Variants in TMEM132D observed in about 807,000 individuals in gnomAD.
TMEM132D encodes the protein mature OL transmembrane protein.
A neutral mutation model predicts 62.3 loss-of-function variants in TMEM132D; 21 were observed. The observed-to-expected ratio is 0.34, with a 90% CI of 0.24 to 0.49. The LOEUF (loss-of-function observed/expected upper bound fraction) is 0.49, where lower values mean the gene tolerates loss of function less well. Ranked by LOEUF, TMEM132D falls within the 20% of genes least tolerant of loss-of-function variation. The pLI, the probability that TMEM132D is intolerant of heterozygous loss-of-function variation, is 0.99. For synonymous variants in TMEM132D, 621 were observed against 575.6 expected (o/e 1.08, Z -1.13); for missense variants, 1,346 against 1,402.8 (o/e 0.96, Z 0.65).
At chr12:129,324,050 T>A (rs1318774400) in intron 4 of TMEM132D, among the ~76,000 whole-genome samples, 1 of 152,196 alleles carries the variant, frequency 6.6e-6, no homozygotes, top group Non-Finnish European at 1.5e-5. Context: ...AAACTTCATG[T>A]GTTTCCCAGC....
At chr12:129,323,108 G>A (rs767148238) in intron 4 of TMEM132D, among the ~76,000 whole-genome samples, 1 of 152,174 alleles carries the variant, frequency 6.6e-6, no homozygotes, top group South Asian at 2.1e-4. Flanking sequence ...ACTTTGAACT[G>A]TAACTACCAT....
At chr12:129,617,997 A>T (rs7302295) in intron 2 of TMEM132D, among the ~76,000 whole-genome samples, 15,651 of 152,206 alleles carry the variant, frequency 0.1, 919 homozygotes, top group Middle Eastern at 0.16. Flanking sequence ...CGACATCGGC[A>T]CTTCACTTGC....
intron 4 of TMEM132D, among the ~76,000 whole-genome samples, chr12:129,223,652 G>A (rs762871471): frequency 1.1e-4 from 16 of 152,108 alleles, no homozygotes; most frequent in Non-Finnish European, 1.9e-4. Context: ...GATAACCCCC[G>A]CCTCCCGCTT....
intron 2 of TMEM132D, among the ~76,000 whole-genome samples, chr12:129,617,102 T>C (rs1878940233): frequency 6.6e-6 from 1 of 152,226 alleles, no homozygotes. Flanking sequence ...AAGCAATTTT[T>C]ATTTTGTCCT....
chr12:129,116,359 G>T (rs1339394576), intron 5 of TMEM132D, among the ~76,000 whole-genome samples: 2 of 152,128 alleles, frequency 1.3e-5, no homozygotes, highest in Non-Finnish European at 2.9e-5. Context: ...AGAGAGAAAG[G>T]CACATTAACA....
At position 129,481,936 on chromosome 12, in the gene TMEM132D, C is replaced by T. The variant is rs547743218; in HGVS notation, c.1115+49123G>A. On this transcript the variant is annotated intron_variant, in intron 3 of 8. Transcript: ENST00000422113. ...GCTTGGCCGTGAGGCCTGCGTTGGC[C>T]GCTGGAAGTTTAGCAAGCGGGAAGA... 3.9e-5 allele frequency among the ~76,000 whole-genome samples: 6 copies of T among 152,304 alleles called. No individual in the cohort carries two copies. In the East Asian group the frequency reaches 1.2e-3, roughly 29 times the overall value.
chr12:129,258,306 GATA>G (rs1050190478), intron 4 of TMEM132D, among the ~76,000 whole-genome samples: 12 of 152,028 alleles, frequency 7.9e-5, no homozygotes, highest in Admixed American at 2.6e-4. Context: ...TGCTAGCAAA[GATA>G]ATTATTATTA....
At chr12:129,458,142 G>A (rs770039359) in intron 3 of TMEM132D, among the ~76,000 whole-genome samples, 16 of 152,120 alleles carry the variant, frequency 1.1e-4, no homozygotes, top group Non-Finnish European at 2.2e-4. Context: ...CCCCTCTTGG[G>A]TCTTACATGG....
intron 1 of TMEM132D, among the ~76,000 whole-genome samples, chr12:129,737,860 C>A (rs887585745): frequency 1.3e-5 from 2 of 152,224 alleles, no homozygotes; most frequent in Admixed American, 6.5e-5. Flanking sequence ...GATCTGATTT[C>A]TTGGGTGAAA....
intron 3 of TMEM132D, among the ~76,000 whole-genome samples, chr12:129,496,910 G>A (rs1311126339): frequency 6.6e-6 from 1 of 152,200 alleles, no homozygotes; most frequent in Non-Finnish European, 1.5e-5. Context: ...CCAATGGGTA[G>A]GCTTGGGCCT....
rs574558483 is a variant in TMEM132D, at chr12:129,127,731, C to G, written c.1444-43029G>C. Among the ~76,000 whole-genome samples, 42 of 152,134 alleles carry G rather than the reference C, an allele frequency of 2.8e-4. 1 individual carries two copies. The South Asian group carries it at 8.8e-3, about 32-fold the overall frequency. On this transcript the variant is annotated intron_variant, in intron 5 of 8. Coordinates refer to ENST00000422113, the MANE Select transcript of TMEM132D (RefSeq NM_133448.3). ...CGAGTATTTGCCTAGATTGCAGCAC[C>G]TAAGTTTCCAAATGTGAGATGCCTG...
At chr12:129,740,871 T>C (rs1433412009) in intron 1 of TMEM132D, among the ~76,000 whole-genome samples, 1 of 152,238 alleles carries the variant, frequency 6.6e-6, no homozygotes, top group African/African-American at 2.4e-5. Context: ...TTCCGGCCAC[T>C]TTCTGTTATC....
At chr12:129,413,562 A>G (rs759705953) in intron 3 of TMEM132D, among the ~76,000 whole-genome samples, 2 of 152,192 alleles carry the variant, frequency 1.3e-5, no homozygotes, top group Non-Finnish European at 2.9e-5. Context: ...TTCTCACCCT[A>G]GAGAAATATA....
intron 2 of TMEM132D, among the ~76,000 whole-genome samples, chr12:129,591,105 G>A (rs888192482): frequency 1.3e-5 from 2 of 152,180 alleles, no homozygotes; most frequent in Non-Finnish European, 2.9e-5. Flanking sequence ...CCCAAGGCAT[G>A]AAAGAAAGAG....
At chr12:129,727,721 A>C (rs1462993246) in intron 1 of TMEM132D, among the ~76,000 whole-genome samples, 1 of 152,174 alleles carries the variant, frequency 6.6e-6, no homozygotes, top group African/African-American at 2.4e-5. Context: ...GGTGATTTAC[A>C]GTCAAATTAA....
At chr12:129,634,238 C>T (rs369462007) in intron 2 of TMEM132D, among the ~76,000 whole-genome samples, 2 of 151,686 alleles carry the variant, frequency 1.3e-5, no homozygotes, top group Middle Eastern at 3.2e-3. Flanking sequence ...TTTTGGAGGC[C>T]GAGACAGAAG....
intron 4 of TMEM132D, among the ~76,000 whole-genome samples, chr12:129,297,791 C>G (rs1464095196): frequency 6.6e-6 from 1 of 152,140 alleles, no homozygotes; most frequent in Non-Finnish European, 1.5e-5. Context: ...ATTTCCTCGT[C>G]AGGCTGCACA....
intron 1 of TMEM132D, among the ~76,000 whole-genome samples, chr12:129,752,810 G>A (rs938866002): frequency 1.3e-5 from 2 of 152,196 alleles, no homozygotes; most frequent in African/African-American, 2.4e-5. Flanking sequence ...ATGGCTGGTG[G>A]TTACATGTCA....
rs2137226130 is a variant in TMEM132D, at chr12:129,700,116, C to G, written c.662G>C (p.Gly221Ala). ...GGTGTAGTAGAGCTCCACGGGGGTCCCCTCCGGCTGGTCCACGGACTTCCT... is the reference window on the plus strand; with the variant it reads ...GGTGTAGTAGAGCTCCACGGGGGTCGCCTCCGGCTGGTCCACGGACTTCCT... Reference protein sequence around the residue: ...GRRKSVDQPEGTPVELYYTVH... With the variant: ...GRRKSVDQPEATPVELYYTVH... Residue 221 changes from glycine to alanine, a missense_variant, in exon 2 of 9, where the codon GGG becomes GCG. Physicochemically the swap from Gly to Ala is moderately conservative, Grantham distance 60. Transcript: ENST00000422113. The G allele has an allele frequency of 6.2e-7, 1 of 1,613,336 alleles. No individual in the cohort carries two copies. The highest frequency in any genetic ancestry group is 8.5e-7 in the Non-Finnish European group (1 of 1,180,010).
Sources: gnomAD v4.1 joint callset for allele counts (sites outside exome capture counted in the v4.1 genomes callset) on GRCh38, gnomAD v4.1.1 for gene constraint, MANE v1.5 for transcripts, NCBI Gene and HGNC (gene_info 2026-07-23, HGNC 2026-07-21) for gene names.